The following CCSER1 variants were observed in gnomAD, a reference collection of about 807,000 sequenced individuals.
CCSER1 encodes coiled-coil serine rich protein 1, also known as serine-rich coiled-coil domain-containing protein 1.
A neutral mutation model predicts 82.0 loss-of-function variants in CCSER1; 41 were observed. The observed-to-expected ratio is 0.50, with a 90% CI of 0.39 to 0.65. The LOEUF (loss-of-function observed/expected upper bound fraction) is 0.65. CCSER1 is among the 30% of genes least tolerant of loss of function. The pLI is 0.00. For synonymous variants in CCSER1, 414 were observed against 383.9 expected (o/e 1.08, Z -0.92); for missense variants, 1,119 against 1,064.2 (o/e 1.05, Z -0.72).
intron 3 of CCSER1, among the ~76,000 whole-genome samples, chr4:90,331,466 A>G (rs1009899795): frequency 1.3e-5 from 2 of 152,212 alleles, no homozygotes; most frequent in Non-Finnish European, 2.9e-5. Context: ...GTTACATGGT[A>G]TTAAAAGAAA....
chr4:90,146,167 CCTT>C (rs1725775180), intron 1 of CCSER1, among the ~76,000 whole-genome samples: 1 of 151,996 alleles, frequency 6.6e-6, no homozygotes, highest in African/African-American at 2.4e-5. Context: ...GATTCTGTAA[CCTT>C]CTCATTTTTA....
intron 10 of CCSER1, among the ~76,000 whole-genome samples, chr4:91,559,080 G>T (rs1282708758): frequency 6.6e-6 from 1 of 151,282 alleles, no homozygotes; most frequent in African/African-American, 2.4e-5. Context: ...CCTTACATAT[G>T]TCTAGTTAAG....
At chr4:90,863,584 T>C (rs78775100) in intron 8 of CCSER1, among the ~76,000 whole-genome samples, 2,354 of 152,010 alleles carry the variant, frequency 0.015, 68 homozygotes, top group African/African-American at 0.053. Flanking sequence ...TTTATTTAGC[T>C]ATCTTTAACA....
chr4:90,404,993 A>C (rs2153548565), intron 4 of CCSER1, among the ~76,000 whole-genome samples: 1 of 152,322 alleles, frequency 6.6e-6, no homozygotes, highest in African/African-American at 2.4e-5. Flanking sequence ...GCTCACCAGC[A>C]GTGGATCCAA....
At chr4:90,594,063 C>A (rs1783018701) in intron 5 of CCSER1, among the ~76,000 whole-genome samples, 1 of 151,736 alleles carries the variant, frequency 6.6e-6, no homozygotes, top group African/African-American at 2.4e-5. Context: ...TTAAATTTAA[C>A]CTTTGGAAGT....
At chr4:91,379,857 C>A (rs1471779803) in intron 10 of CCSER1, among the ~76,000 whole-genome samples, 2 of 152,178 alleles carry the variant, frequency 1.3e-5, no homozygotes, top group Non-Finnish European at 2.9e-5. Flanking sequence ...AATTTTAGAT[C>A]TTTCCTGCTT....
intron 10 of CCSER1, among the ~76,000 whole-genome samples, chr4:91,373,902 G>T (rs1032214563): frequency 2.0e-5 from 3 of 152,140 alleles, no homozygotes; most frequent in Non-Finnish European, 4.4e-5. Flanking sequence ...CAGCCTTATT[G>T]CTGATATGGA....
intron 2 of CCSER1, among the ~76,000 whole-genome samples, chr4:90,312,236 G>C (rs1366184884): frequency 6.6e-6 from 1 of 152,126 alleles, no homozygotes; most frequent in Non-Finnish European, 1.5e-5. Flanking sequence ...GTCCAGTGTG[G>C]CATGAGCAGA....
intron 6 of CCSER1, among the ~76,000 whole-genome samples, chr4:90,719,783 G>A (rs1265679760): frequency 6.6e-6 from 1 of 152,144 alleles, no homozygotes; most frequent in Non-Finnish European, 1.5e-5. Flanking sequence ...GAGGTAGTGT[G>A]TGCTGGGTTT....
intron 10 of CCSER1, among the ~76,000 whole-genome samples, chr4:91,516,093 TAGATTCTGGCTATTATATGTAG>T (rs1760105872): frequency 1.3e-5 from 2 of 152,130 alleles, no homozygotes; most frequent in African/African-American, 4.8e-5. Context: ...ATATTCCATA[TAGATTCTGGCTATTATATGTAG>T]TTAGAAGCAT....
Position 90,584,477 on chromosome 4 carries a change from G to A in CCSER1, c.1725-43548G>A, listed in dbSNP as rs563123786. ...GAATTTCTCTTTAGAAACTCCAGAA[G>A]AGAAGCCCATCCAGATTCTTTGATT... On this transcript the variant is annotated intron_variant, in intron 5 of 10. Transcript: ENST00000509176. Among the ~76,000 whole-genome samples, 29 of 152,334 alleles carry A rather than the reference G, an allele frequency of 1.9e-4. No homozygotes were observed. The South Asian group carries it at 3.5e-3, about 18-fold the overall frequency.
intron 5 of CCSER1, among the ~76,000 whole-genome samples, chr4:90,556,806 CTCAAT>C (rs1778195310): frequency 6.6e-6 from 1 of 151,124 alleles, no homozygotes; most frequent in African/African-American, 2.4e-5. Context: ...AGTGGACTTG[CTCAAT>C]TCAAACTTAC....
chr4:91,380,201 T>G (rs754674563), intron 10 of CCSER1, among the ~76,000 whole-genome samples: 27 of 152,326 alleles, frequency 1.8e-4, no homozygotes, highest in Non-Finnish European at 3.2e-4. Context: ...TGCGATGTGG[T>G]GCTGAGAATA....
chr4:91,272,342 C>T (rs1363944051), intron 10 of CCSER1, among the ~76,000 whole-genome samples: 1 of 152,160 alleles, frequency 6.6e-6, no homozygotes, highest in Non-Finnish European at 1.5e-5. Flanking sequence ...GTTCATTTCC[C>T]TGGTCATTAG....
chr4:90,210,436 T>C (rs1430449923), intron 1 of CCSER1, among the ~76,000 whole-genome samples: 3 of 120,198 alleles, frequency 2.5e-5, no homozygotes, highest in African/African-American at 7.3e-5. Flanking sequence ...ATTTCTTTTC[T>C]TTTCTTTTCT....
intron 8 of CCSER1, among the ~76,000 whole-genome samples, chr4:90,832,416 G>A (rs1761236418): frequency 6.6e-6 from 1 of 152,066 alleles, no homozygotes; most frequent in Non-Finnish European, 1.5e-5. Flanking sequence ...GTTTTCTAGT[G>A]TGTGAAAAAG....
chr4:91,391,484 A>T (rs901289809), intron 10 of CCSER1, among the ~76,000 whole-genome samples: 4 of 151,874 alleles, frequency 2.6e-5, no homozygotes, highest in Non-Finnish European at 5.9e-5. Context: ...ATTTTTTTGT[A>T]CAGATGGTGT....
chr4:91,013,604 C>CTTTT (rs1188536764), intron 9 of CCSER1, among the ~76,000 whole-genome samples: 1 of 107,626 alleles, frequency 9.3e-6, no homozygotes, highest in African/African-American at 2.9e-5. Context: ...TTAAGATTTT[C>CTTTT]TTTTTTTTTT....
intron 10 of CCSER1, among the ~76,000 whole-genome samples, chr4:91,156,288 A>C (rs1209491491): frequency 1.3e-5 from 2 of 151,814 alleles, no homozygotes; most frequent in Non-Finnish European, 2.9e-5. Flanking sequence ...GACTTTACCT[A>C]GTGTGGTCAA....
Sources: gnomAD v4.1 joint callset for allele counts (sites outside exome capture counted in the v4.1 genomes callset) on GRCh38, gnomAD v4.1.1 for gene constraint, MANE v1.5 for transcripts, NCBI Gene and HGNC (gene_info 2026-07-23, HGNC 2026-07-21) for gene names.